The following SHANK2 variants were observed in gnomAD, a reference collection of about 807,000 sequenced individuals.
The protein encoded by SHANK2 is SH3 and multiple ankyrin repeat domains 2.
In SHANK2, 43 loss-of-function variants were observed where a neutral mutation model predicts 133.7. The observed-to-expected ratio is 0.32, with a 90% confidence interval of 0.25 to 0.41. The LOEUF is 0.41. Ranked by LOEUF, SHANK2 falls within the 10% of genes least tolerant of loss-of-function variation. The pLI is 1.00. For synonymous variants in SHANK2, 1,017 were observed against 952.8 expected (o/e 1.07, Z -1.24); for missense variants, 1,994 against 2,235.8 (o/e 0.89, Z 2.18).
intron 2 of SHANK2, among the ~76,000 whole-genome samples, chr11:71,172,228 A>G (rs1474403438): frequency 6.6e-6 from 1 of 152,114 alleles, no homozygotes; most frequent in Non-Finnish European, 1.5e-5. Flanking sequence ...GACCTCACAC[A>G]AGGAGAAGGA....
intron 17 of SHANK2, among the ~76,000 whole-genome samples, chr11:70,650,291 C>T (rs1555009788): frequency 6.6e-6 from 1 of 152,210 alleles, no homozygotes; most frequent in Admixed American, 6.5e-5. Flanking sequence ...GTAGATGAGA[C>T]TGTCACTAAG....
At chr11:70,738,037 G>A (rs1361232777) in intron 14 of SHANK2, among the ~76,000 whole-genome samples, 2 of 152,254 alleles carry the variant, frequency 1.3e-5, no homozygotes, top group African/African-American at 4.8e-5. Context: ...TACTGCACCG[G>A]CTGGCTGCAC....
At chr11:71,219,880 A>C (rs907453230) in intron 2 of SHANK2, among the ~76,000 whole-genome samples, 2 of 152,050 alleles carry the variant, frequency 1.3e-5, no homozygotes, top group African/African-American at 4.8e-5. Context: ...CCTGGGCAAC[A>C]GAGCGAGACT....
chr11:70,714,289 G>T (rs572886208), intron 14 of SHANK2, among the ~76,000 whole-genome samples: 2 of 152,374 alleles, frequency 1.3e-5, no homozygotes, highest in South Asian at 4.1e-4. Context: ...CCGTGGCGCA[G>T]CTATGCCCAC....
intron 14 of SHANK2, among the ~76,000 whole-genome samples, chr11:70,785,053 G>T (rs1254870777): frequency 6.6e-6 from 1 of 152,200 alleles, no homozygotes; most frequent in East Asian, 1.9e-4. Flanking sequence ...TTTCCATGGG[G>T]TGTCCTGAGG....
intron 2 of SHANK2, among the ~76,000 whole-genome samples, chr11:71,162,697 T>C (rs1953045405): frequency 6.6e-6 from 1 of 152,120 alleles, no homozygotes; most frequent in African/African-American, 2.4e-5. Context: ...TCTTCACCTA[T>C]CTATAGCCCA....
At chr11:71,142,021 T>C (rs1170872591) in intron 3 of SHANK2, among the ~76,000 whole-genome samples, 3 of 149,328 alleles carry the variant, frequency 2.0e-5, no homozygotes, top group African/African-American at 7.4e-5. Context: ...CGAGAATGCT[T>C]GATGCCAGGG....
chr11:70,575,345 C>G (rs1419337890), intron 17 of SHANK2, among the ~76,000 whole-genome samples: 2 of 152,086 alleles, frequency 1.3e-5, no homozygotes, highest in African/African-American at 4.8e-5. Flanking sequence ...AAACCCATCT[C>G]TACTAAAAAT....
intron 3 of SHANK2, among the ~76,000 whole-genome samples, chr11:71,135,484 T>A: frequency 1.7e-5 from 1 of 59,800 alleles, no homozygotes; most frequent in East Asian, 9.2e-4. Context: ...GGGGATATGT[T>A]TTTTTTTTTT....
At chr11:71,088,422 C>T (rs1693335927) in intron 8 of SHANK2, among the ~76,000 whole-genome samples, 4 of 152,200 alleles carry the variant, frequency 2.6e-5, no homozygotes, top group Admixed American at 2.6e-4. Flanking sequence ...CATCCAGCGA[C>T]ATCAAATGAC....
chr11:70,550,964 A>G (rs10793138), intron 17 of SHANK2, among the ~76,000 whole-genome samples: 120,411 of 151,898 alleles, frequency 0.79, 48,143 homozygotes, highest in Middle Eastern at 0.89. Flanking sequence ...GCCACGCTGC[A>G]GTGGTAAACG....
intron 1 of SHANK2, among the ~76,000 whole-genome samples, chr11:71,228,172 T>C (rs1954674695): frequency 6.6e-6 from 1 of 152,168 alleles, no homozygotes; most frequent in Non-Finnish European, 1.5e-5. Flanking sequence ...AAGCAATTAT[T>C]CAAGAAATAC....
intron 15 of SHANK2, among the ~76,000 whole-genome samples, chr11:70,674,731 G>A (rs1427438959): frequency 6.6e-6 from 1 of 152,232 alleles, no homozygotes; most frequent in Non-Finnish European, 1.5e-5. Context: ...CTTTGAGGGT[G>A]GATGGGTGGT....
chr11:71,211,009 A>T (rs1388662036), intron 2 of SHANK2, among the ~76,000 whole-genome samples: 1 of 152,052 alleles, frequency 6.6e-6, no homozygotes, highest in Non-Finnish European at 1.5e-5. Context: ...GGATCCTGCC[A>T]TTTGACCCCT....
At chr11:70,880,410 C>A (rs1231796323) in intron 11 of SHANK2, among the ~76,000 whole-genome samples, 2 of 152,176 alleles carry the variant, frequency 1.3e-5, no homozygotes, top group Non-Finnish European at 2.9e-5. Context: ...AAAGGAACAC[C>A]CTGAACAGAG....
At chr11:70,858,197 T>C (rs2135491158) in intron 11 of SHANK2, among the ~76,000 whole-genome samples, 1 of 152,302 alleles carries the variant, frequency 6.6e-6, no homozygotes, top group South Asian at 2.1e-4. Flanking sequence ...CTGCTTCCTG[T>C]CCCCTGTTCA....
At chr11:70,560,638 GT>G (rs1317766306) in intron 17 of SHANK2, among the ~76,000 whole-genome samples, 28 of 145,040 alleles carry the variant, frequency 1.9e-4, no homozygotes, top group South Asian at 2.2e-4. Flanking sequence ...TTTTTCGTTT[GT>G]TTTTTTTTTT....
intron 17 of SHANK2, among the ~76,000 whole-genome samples, chr11:70,510,322 G>A (rs1016533696): frequency 6.6e-6 from 1 of 152,180 alleles, no homozygotes; most frequent in Non-Finnish European, 1.5e-5. Flanking sequence ...GAACTCAGAG[G>A]CACTGTCATT....
rs2135257532 is a variant in SHANK2 at position 70,804,362 on chromosome 11, G to A, written c.1663+2640C>T. ...GCAGGAAGGAAGAGCGGTGCCACTG[G>A]CAGCAGGAAGGGGCTCCGTGCCAAT... On this transcript the variant is annotated intron_variant, in intron 13 of 25. Coordinates refer to ENST00000601538, the MANE Select transcript of SHANK2 (RefSeq NM_012309.5). This position sits in a 1 kb window ranked among gnomAD's most constrained non-coding sequence, Gnocchi z 4.1. 6.6e-6 allele frequency among the ~76,000 whole-genome samples: 1 copy of A among 152,364 alleles called. No individual in the cohort carries two copies. Among genetic ancestry groups the A allele is most frequent in the South Asian group, 2.1e-4 (1 of 4,824 alleles).
Sources: allele counts gnomAD v4.1 joint callset (sites outside exome capture counted in the v4.1 genomes callset), GRCh38; gene constraint gnomAD v4.1.1; non-coding constraint Gnocchi (gnomAD v3.1); transcripts MANE v1.5; gene names NCBI Gene and HGNC (gene_info 2026-07-23, HGNC 2026-07-21).